The following NEBL variants were observed in gnomAD, a reference collection of about 807,000 sequenced individuals.
The protein encoded by NEBL is nebulette.
Under a neutral mutation model 140.2 loss-of-function variants are expected in NEBL, and 122 were observed. The ratio of observed to expected loss-of-function variants is 0.87; its 90% CI spans 0.75 to 1.01. The LOEUF (loss-of-function observed/expected upper bound fraction) is 1.01. Ranked by LOEUF, NEBL falls within the 50% of genes least tolerant of loss-of-function variation. The pLI, the probability that NEBL is intolerant of heterozygous loss-of-function variation, is 0.00. For missense variants in NEBL, 1,365 were observed against 1,231.3 expected (o/e 1.11, Z -1.62); for synonymous variants, 436 against 398.9 (o/e 1.09, Z -1.11).
At chr10:20,871,515 T>C (rs567091964) in intron 5 of NEBL, among the ~76,000 whole-genome samples, 2 of 152,340 alleles carry the variant, frequency 1.3e-5, no homozygotes, top group South Asian at 4.1e-4. Flanking sequence ...GTGCGTTATG[T>C]TATTTTATTT....
At chr10:20,983,362 A>G (rs1837130481) in intron 3 of NEBL, among the ~76,000 whole-genome samples, 1 of 152,234 alleles carries the variant, frequency 6.6e-6, no homozygotes. Flanking sequence ...CTTCAACGCA[A>G]AAGTATGCAC....
At chr10:21,158,442 G>T (rs1268650745) in intron 2 of NEBL, among the ~76,000 whole-genome samples, 1 of 152,148 alleles carries the variant, frequency 6.6e-6, no homozygotes. Flanking sequence ...ATTATTATCA[G>T]CAACTGAGAC....
chr10:20,967,638 AAAC>A (rs758898866), intron 3 of NEBL, among the ~76,000 whole-genome samples: 1 of 152,100 alleles, frequency 6.6e-6, no homozygotes, highest in Non-Finnish European at 1.5e-5. Context: ...AAAAAAAAAA[AAAC>A]AAGTGCATAC....
At chr10:20,992,992 C>A (rs1837527462) in intron 3 of NEBL, among the ~76,000 whole-genome samples, 1 of 151,574 alleles carries the variant, frequency 6.6e-6, no homozygotes, top group South Asian at 2.1e-4. Context: ...ACTGTGTTAG[C>A]CAGGATGGTC....
chr10:21,120,374 CAAAAA>C (rs1157067083), intron 2 of NEBL, among the ~76,000 whole-genome samples: 1,771 of 47,764 alleles, frequency 0.037, 60 homozygotes, highest in Middle Eastern at 0.13. Context: ...GACTGTGTCT[CAAAAA>C]AAAAAAAAAA....
At chr10:20,946,564 C>A (rs1650432254) in intron 4 of NEBL, among the ~76,000 whole-genome samples, 1 of 152,158 alleles carries the variant, frequency 6.6e-6, no homozygotes, top group African/African-American at 2.4e-5. Context: ...TGAGTTCAAG[C>A]AATTCTCCCA....
intron 3 of NEBL, among the ~76,000 whole-genome samples, chr10:20,995,629 T>A (rs1837637837): frequency 6.6e-6 from 1 of 152,124 alleles, no homozygotes; most frequent in African/African-American, 2.4e-5. Context: ...AACTCCCAAC[T>A]TCACTGCTCT....
intron 3 of NEBL, among the ~76,000 whole-genome samples, chr10:21,227,672 T>TTCC (rs1842171916): frequency 1.1e-5 from 1 of 87,162 alleles, no homozygotes; most frequent in Non-Finnish European, 2.2e-5. Flanking sequence ...CTTCTTCTTC[T>TTCC]TCTTCTTCTT....
intron 19 of NEBL, among the ~76,000 whole-genome samples, chr10:20,822,422 T>A (rs1261061301): frequency 6.6e-6 from 1 of 151,818 alleles, no homozygotes; most frequent in African/African-American, 2.4e-5. Flanking sequence ...CATAGATATC[T>A]ATACCTATTT....
chr10:20,974,975 A>C, intron 3 of NEBL, among the ~76,000 whole-genome samples: 1 of 152,154 alleles, frequency 6.6e-6, no homozygotes, highest in East Asian at 1.9e-4. Context: ...ATTTCTATGA[A>C]GTTTCAAGTT....
intron 7 of NEBL, among the ~76,000 whole-genome samples, chr10:20,861,984 T>C (rs788990): frequency 0.91 from 138,807 of 152,154 alleles, 64,219 homozygotes; most frequent in Non-Finnish European, 1. Context: ...CCTTAGCCTA[T>C]AGCTAGGCAA....
At chr10:21,044,434 A>G (rs1383155896) in intron 2 of NEBL, among the ~76,000 whole-genome samples, 1 of 135,966 alleles carries the variant, frequency 7.4e-6, no homozygotes, top group Non-Finnish European at 1.6e-5. Flanking sequence ...AAAAGCTCCT[A>G]ACTGCAAGAT....
At chr10:20,836,532 T>C (rs577237774) in intron 13 of NEBL, among the ~76,000 whole-genome samples, 1 of 152,250 alleles carries the variant, frequency 6.6e-6, no homozygotes, top group Non-Finnish European at 1.5e-5. Flanking sequence ...CAATCAGTGA[T>C]CTTTGATGTT....
chr10:21,019,443 C>T (rs75824647), intron 3 of NEBL, among the ~76,000 whole-genome samples: 8 of 152,326 alleles, frequency 5.3e-5, no homozygotes, highest in African/African-American at 1.2e-4. Context: ...GTAGTTGCTC[C>T]GTGTCTTACT....
chr10:21,198,852 A>G (rs2132224623), intron 3 of NEBL, among the ~76,000 whole-genome samples: 1 of 151,546 alleles, frequency 6.6e-6, no homozygotes, highest in South Asian at 2.1e-4. Context: ...GAAAGTGACC[A>G]TTTTCTCTTT....
At chr10:20,932,377 C>T (rs1834235429) in intron 4 of NEBL, among the ~76,000 whole-genome samples, 1 of 151,682 alleles carries the variant, frequency 6.6e-6, no homozygotes, top group Non-Finnish European at 1.5e-5. Context: ...AATGAGAACA[C>T]ATGGATACAA....
At chr10:21,289,786 G>C (rs1054549921) in intron 1 of NEBL, among the ~76,000 whole-genome samples, 14 of 152,136 alleles carry the variant, frequency 9.2e-5, no homozygotes, top group Non-Finnish European at 1.5e-4. Flanking sequence ...ATATTCTGAG[G>C]CTAGATAGTG....
rs554736636 is a variant in NEBL at position 21,015,391 on chromosome 10, A to G, written c.249+4726T>C. 4.6e-5 allele frequency among the ~76,000 whole-genome samples: 7 copies of G among 152,386 alleles called. No individual in the cohort carries two copies. In the South Asian group the frequency reaches 1.4e-3, roughly 32 times the overall value. ...AGAAGGCTCCAGAGCCCTGGTTCAG[A>G]GTACCCAAAGCATCTATGCCTTCCC... On this transcript the variant is annotated intron_variant, in intron 3 of 6. Transcript: ENST00000417816.
chr10:20,822,220 C>A (rs1839390670), intron 19 of NEBL, among the ~76,000 whole-genome samples: 1 of 152,128 alleles, frequency 6.6e-6, no homozygotes, highest in Admixed American at 6.5e-5. Flanking sequence ...GACCCCTAAT[C>A]TCAGGGCATA....
Sources: allele counts gnomAD v4.1 joint callset (sites outside exome capture counted in the v4.1 genomes callset), GRCh38; gene constraint gnomAD v4.1.1; transcripts MANE v1.5; gene names NCBI Gene and HGNC (gene_info 2026-07-23, HGNC 2026-07-21).